Variants in ARHGAP17 observed in about 807,000 individuals in gnomAD.
ARHGAP17 encodes the protein rho GTPase-activating protein 17.
A neutral mutation model predicts 99.5 loss-of-function variants in ARHGAP17; 57 were observed. That is an observed-to-expected ratio of 0.57 (90% CI 0.46 to 0.71). ARHGAP17 has a LOEUF of 0.71. Among genes scored for constraint, ARHGAP17 ranks in the 30% least tolerant of loss-of-function variants. The pLI is 0.00. For synonymous variants in ARHGAP17, 417 were observed against 429.6 expected (o/e 0.97, Z 0.36); for missense variants, 1,000 against 1,122.4 (o/e 0.89, Z 1.56).
intron 3 of ARHGAP17, among the ~76,000 whole-genome samples, chr16:24,973,239 G>A (rs1372491349): frequency 1.3e-5 from 2 of 152,158 alleles, no homozygotes; most frequent in South Asian, 2.1e-4. Context: ...TCTGACCCAC[G>A]ACAGTTCTGC....
chr16:24,951,815 T>C (rs1661745932), intron 12 of ARHGAP17, among the ~76,000 whole-genome samples: 1 of 152,226 alleles, frequency 6.6e-6, no homozygotes, highest in Non-Finnish European at 1.5e-5. Context: ...CAGTATGCTA[T>C]TAGTTGTTTT....
chr16:24,955,320 T>C lies in ARHGAP17; in HGVS notation c.725-590A>G, dbSNP rs952021726. 2 of 151,974 alleles carry C rather than the reference T, an allele frequency of 1.3e-5. No individual in the cohort carries two copies. The highest frequency in any genetic ancestry group is 4.8e-5 in the African/African-American group (2 of 41,360). 9.4% of individuals were successfully genotyped at this position (151,974 alleles called of 1,614,324 possible). On this transcript the variant is annotated intron_variant, in intron 9 of 19. Transcript: ENST00000289968. This position sits in a 1 kb window ranked among gnomAD's most constrained non-coding sequence, Gnocchi z 4.0. ...TCAGAACACCGCATCCCCAAACAGCTCCGAAAAATTCTGAGTGGAAAGAAA... is the reference window on the plus strand; with the variant it reads ...TCAGAACACCGCATCCCCAAACAGCCCCGAAAAATTCTGAGTGGAAAGAAA...
chr16:24,934,017 TGAA>T (rs971325804), intron 18 of ARHGAP17, among the ~76,000 whole-genome samples: 2 of 152,160 alleles, frequency 1.3e-5, no homozygotes, highest in Non-Finnish European at 2.9e-5. Context: ...AGAGGCAGCC[TGAA>T]GAAGAATAAA....
rs371296748 is a variant in ARHGAP17, at chr16:24,942,156, A to T, written c.1334-13T>A. 3.6e-5 allele frequency: 57 copies of T among 1,601,492 alleles called. No individual in the cohort carries two copies. Among genetic ancestry groups the T allele is most frequent in the Non-Finnish European group, 4.8e-5 (56 of 1,173,582 alleles). ...TTAAATTCCACCTCTGCAAGAGGAAAAATAAACAAGTGCATGAGACACTGA... is the reference window on the plus strand; with the variant it reads ...TTAAATTCCACCTCTGCAAGAGGAATAATAAACAAGTGCATGAGACACTGA... On this transcript the variant is annotated splice_polypyrimidine_tract_variant and intron_variant, in intron 15 of 19. Transcript: ENST00000289968.
At chr16:24,928,639 T>TA (rs1400320301) in intron 19 of ARHGAP17, among the ~76,000 whole-genome samples, 2 of 152,206 alleles carry the variant, frequency 1.3e-5, no homozygotes, top group Non-Finnish European at 1.5e-5. Flanking sequence ...GTTTTCCACT[T>TA]ACGGTTCCTA....
chr16:24,992,807 GTTTA>G (rs1342832896), intron 1 of ARHGAP17, among the ~76,000 whole-genome samples: 1 of 152,110 alleles, frequency 6.6e-6, no homozygotes, highest in African/African-American at 2.4e-5. Context: ...TTCTGTTACC[GTTTA>G]TTTATTTTTT....
chr16:24,950,976 CA>C (rs1374142612), intron 12 of ARHGAP17, among the ~76,000 whole-genome samples: 6 of 151,532 alleles, frequency 4.0e-5, no homozygotes, highest in African/African-American at 1.2e-4. Context: ...CTGCAGGGAA[CA>C]GGGGCAGTGT....
intron 10 of ARHGAP17, among the ~76,000 whole-genome samples, chr16:24,954,222 T>C (rs559741147): frequency 6.6e-6 from 1 of 152,244 alleles, no homozygotes; most frequent in South Asian, 2.1e-4. Flanking sequence ...AAAAACTGCA[T>C]AATACTATGC....
In ARHGAP17 at chr16:24,919,858, C is replaced by T. The variant is rs756294015; in HGVS notation, c.*272G>A. ...GCGCGTTTCAGCAGGAATACTCTCT[C>T]CACTCCAGGTACTTCTTTGTTTTGG... On this transcript the variant is annotated 3_prime_UTR_variant, in exon 20 of 20. Coordinates refer to ENST00000289968, the MANE Select transcript of ARHGAP17 (RefSeq NM_001006634.3). 1.2e-5 allele frequency: 4 copies of T among 323,650 alleles called. No individual in the cohort carries two copies. The highest frequency in any genetic ancestry group is 1.1e-5 in the Non-Finnish European group (2 of 176,898). The allele number at this position is 323,650 out of a possible 1,614,324, so 20.0% of individuals were successfully genotyped here.
At chr16:24,935,437 T>G (rs1282253312) in intron 18 of ARHGAP17, 33 bp downstream of exon 18, 2 of 1,556,078 alleles carry the variant, frequency 1.3e-6, no homozygotes, top group East Asian at 4.7e-5. Context: ...TGCACAGGCT[T>G]CCCTGAGGGC....
At chr16:24,976,977 T>C (rs1404566278) in intron 3 of ARHGAP17, among the ~76,000 whole-genome samples, 1 of 152,224 alleles carries the variant, frequency 6.6e-6, no homozygotes, top group Non-Finnish European at 1.5e-5. Flanking sequence ...CAATGACACA[T>C]GATCGTGGAG....
intron 14 of ARHGAP17, among the ~76,000 whole-genome samples, chr16:24,947,023 C>A (rs770954963): frequency 6.6e-6 from 1 of 152,048 alleles, no homozygotes; most frequent in Non-Finnish European, 1.5e-5. Flanking sequence ...TATTAATGTG[C>A]TAAGTAGGCA....
chr16:24,944,096 C>A (rs187329366), intron 14 of ARHGAP17, among the ~76,000 whole-genome samples: 1 of 151,912 alleles, frequency 6.6e-6, no homozygotes, highest in African/African-American at 2.4e-5. Context: ...CATGGTGAAA[C>A]CCCGTCTGTA....
intron 6 of ARHGAP17, 111 bp downstream of exon 6, chr16:24,968,240 G>T: frequency 8.0e-7 from 1 of 1,256,222 alleles, no homozygotes; most frequent in Non-Finnish European, 1.2e-6. Flanking sequence ...CACCCAGTCT[G>T]GGGGTCAAAT....
intron 3 of ARHGAP17, 81 bp downstream of exon 3, chr16:24,977,130 CACTT>C (rs2052542460): frequency 1.8e-6 from 2 of 1,094,848 alleles, no homozygotes; most frequent in East Asian, 5.8e-5. Flanking sequence ...CCACTGATGC[CACTT>C]AGGACAACCA....
intron 14 of ARHGAP17, among the ~76,000 whole-genome samples, chr16:24,944,724 C>T (rs962722957): frequency 3.9e-4 from 60 of 152,274 alleles, no homozygotes; most frequent in African/African-American, 1.2e-3. Flanking sequence ...TCACACCATT[C>T]TCCTGCCTCA....
At chr16:24,954,825 C>G in intron 9 of ARHGAP17, 95 bp from the exon 10 acceptor site, 1 of 1,521,336 alleles carries the variant, frequency 6.6e-7, no homozygotes. Flanking sequence ...TTCTAGCCGA[C>G]TGGTAGGTGA....
intron 1 of ARHGAP17, among the ~76,000 whole-genome samples, chr16:24,997,184 G>A (rs1015045725): frequency 4.0e-5 from 6 of 149,580 alleles, no homozygotes; most frequent in African/African-American, 1.5e-4. Flanking sequence ...TCTGTCATTA[G>A]CACATGGACT....
intron 1 of ARHGAP17, among the ~76,000 whole-genome samples, chr16:24,984,498 CA>C (rs201880548): frequency 2.7e-5 from 4 of 148,832 alleles, no homozygotes; most frequent in African/African-American, 9.8e-5. Flanking sequence ...ACTAAAAATA[CA>C]AAAAAAAAAT....
Sources: gnomAD v4.1 joint callset for allele counts (sites outside exome capture counted in the v4.1 genomes callset) on GRCh38, gnomAD v4.1.1 for gene constraint, Gnocchi (gnomAD v3.1) non-coding constraint, MANE v1.5 for transcripts, NCBI Gene and HGNC (gene_info 2026-07-23, HGNC 2026-07-21) for gene names.